RSU1: variants seen among roughly 807,000 people sequenced by gnomAD.
RSU1 encodes the protein rsu-1.
RSU1 carries 26 observed loss-of-function variants against 31.1 expected under a neutral mutation model. The observed-to-expected ratio is 0.84, with a 90% CI of 0.61 to 1.16. The LOEUF (loss-of-function observed/expected upper bound fraction) is 1.16, where lower values mean the gene tolerates loss of function less well. RSU1 is among the 50% of genes most tolerant of loss of function. The pLI is 0.00. For missense variants in RSU1, 320 were observed against 339.1 expected, an observed-to-expected ratio of 0.94 and a Z score of 0.44; for synonymous variants, 164 against 136.3, an observed-to-expected ratio of 1.20 and a Z score of -1.41.
At chr10:16,765,003 G>A (rs1158392148) in intron 3 of RSU1, among the ~76,000 whole-genome samples, 1 of 151,796 alleles carries the variant, frequency 6.6e-6, no homozygotes, top group African/African-American at 2.4e-5. Flanking sequence ...GAGAAACAGA[G>A]CAAAAATGCA....
Position 16,809,997 on chromosome 10 carries a change from G to C in RSU1, c.109+6976C>G, listed in dbSNP as rs575894615. On this transcript the variant is annotated intron_variant, in intron 2 of 8. Transcript: ENST00000345264. ...GCAATTTGGGAGGCCGGGGGTGGGG[G>C]GGGGAGGTGAATCACCTGAGGTCAG... Among the ~76,000 whole-genome samples the C allele has an allele frequency of 9.4e-3, 1,423 of 150,648 alleles. 51 individuals carry two copies. Among genetic ancestry groups the C allele is most frequent in the Non-Finnish European group, 0.017 (1,133 of 67,442 alleles).
intron 3 of RSU1, among the ~76,000 whole-genome samples, chr10:16,777,912 T>A (rs769157166): frequency 2.6e-5 from 4 of 152,086 alleles, no homozygotes; most frequent in Non-Finnish European, 4.4e-5. Flanking sequence ...TTTCCCTGGC[T>A]GCGAGTCCTT....
At position 16,804,578 on chromosome 10, in the gene RSU1, T is replaced by C. The variant is rs547833198; in HGVS notation, c.109+12395A>G. Reference sequence around the variant, plus strand: ...TGGAAGCTGCCAAAATATCATCCAATAGGTGAATGGATAACCAAACTGTGG... The same window carrying C: ...TGGAAGCTGCCAAAATATCATCCAACAGGTGAATGGATAACCAAACTGTGG... On this transcript the variant is annotated intron_variant, in intron 2 of 8. Coordinates refer to ENST00000345264, the MANE Select transcript of RSU1 (RefSeq NM_012425.4). Among the ~76,000 whole-genome samples the C allele has an allele frequency of 2.6e-5, 4 of 152,290 alleles. No homozygotes were observed. In the South Asian group the frequency reaches 8.3e-4, roughly 32 times the overall value.
intron 8 of RSU1, among the ~76,000 whole-genome samples, chr10:16,663,376 A>G (rs1023536861): frequency 1.5e-4 from 23 of 152,144 alleles, no homozygotes; most frequent in African/African-American, 4.6e-4. Context: ...ATAAAGATGG[A>G]TTACTATTTA....
chr10:16,610,803 T>C lies in RSU1; in HGVS notation c.732-17307A>G, dbSNP rs768622652. 1.2e-4 allele frequency among the ~76,000 whole-genome samples: 18 copies of C among 152,256 alleles called. 1 individual carries two copies. Among genetic ancestry groups the C allele is most frequent in the Middle Eastern group, 6.8e-3 (2 of 294 alleles). On this transcript the variant is annotated intron_variant, in intron 8 of 8. Transcript: ENST00000345264. ...ACCCTGCTGGTCCATGGAAAAACTGTCTTCTACAAAACTGGTGCCTGGTGC... is the reference window on the plus strand; with the variant it reads ...ACCCTGCTGGTCCATGGAAAAACTGCCTTCTACAAAACTGGTGCCTGGTGC...
intron 3 of RSU1, among the ~76,000 whole-genome samples, chr10:16,776,010 C>T (rs1266081410): frequency 6.6e-6 from 1 of 152,148 alleles, no homozygotes; most frequent in Non-Finnish European, 1.5e-5. Context: ...GGTTTAATTT[C>T]ATACAAGCCA....
chr10:16,602,143 C>G (rs145114112), intron 8 of RSU1, among the ~76,000 whole-genome samples: 1 of 152,140 alleles, frequency 6.6e-6, no homozygotes, highest in African/African-American at 2.4e-5. Flanking sequence ...TATTTTGAGG[C>G]CTTGAAGACT....
chr10:16,700,588 T>C (rs1835772555), intron 7 of RSU1, among the ~76,000 whole-genome samples: 1 of 152,248 alleles, frequency 6.6e-6, no homozygotes, highest in East Asian at 1.9e-4. Context: ...TAATTCTCAT[T>C]ATCATGTGCT....
At chr10:16,736,779 T>C (rs1486434815) in intron 7 of RSU1, among the ~76,000 whole-genome samples, 5 of 152,046 alleles carry the variant, frequency 3.3e-5, no homozygotes, top group African/African-American at 1.2e-4. Context: ...ATTTAAAATA[T>C]GTGCAAAGAT....
rs769728013 is a variant in RSU1 at position 16,593,363 on chromosome 10, G to C, written c.*31C>G. On this transcript the variant is annotated 3_prime_UTR_variant, in exon 9 of 9. Coordinates refer to ENST00000345264, the MANE Select transcript of RSU1 (RefSeq NM_012425.4). ...GAATGAAGTGTTGGAGAGAGAAGGT[G>C]CTGGAAGGCCAGCCGATGCCAATCC... 4 of 1,613,934 alleles carry C rather than the reference G, an allele frequency of 2.5e-6. No homozygotes were observed. In the South Asian group the frequency reaches 4.4e-5, roughly 18 times the overall value.
intron 7 of RSU1, among the ~76,000 whole-genome samples, chr10:16,737,568 AC>A (rs1396016745): frequency 8.5e-5 from 13 of 152,126 alleles, no homozygotes; most frequent in Admixed American, 1.3e-4. Context: ...CTAATTAATG[AC>A]CAAAAAGAAC....
intron 2 of RSU1, among the ~76,000 whole-genome samples, chr10:16,789,894 A>G (rs934154795): frequency 6.6e-6 from 1 of 152,212 alleles, no homozygotes; most frequent in Non-Finnish European, 1.5e-5. Context: ...TCAACTCAGT[A>G]ACTAAGAAAA....
intron 7 of RSU1, among the ~76,000 whole-genome samples, chr10:16,720,333 T>G (rs1836227888): frequency 6.6e-6 from 1 of 152,208 alleles, no homozygotes; most frequent in African/African-American, 2.4e-5. Context: ...ATCTCAGAAA[T>G]AATTCTACAA....
intron 8 of RSU1, among the ~76,000 whole-genome samples, chr10:16,680,255 C>G (rs1286526290): frequency 1.3e-5 from 2 of 151,954 alleles, no homozygotes; most frequent in African/African-American, 4.8e-5. Context: ...GCCGAGAATA[C>G]AGCAGACACA....
In RSU1 at chr10:16,672,160, A is replaced by C. The variant is rs1221096025; in HGVS notation, c.731+22863T>G. On this transcript the variant is annotated intron_variant, in intron 8 of 8. Transcript: ENST00000345264. Reference sequence around the variant, plus strand: ...AAAAATACAAAAAAAAAAAAAAAAAATTAGCCAGGCGTGGTGGCGGGTGCC... The same window carrying C: ...AAAAATACAAAAAAAAAAAAAAAAACTTAGCCAGGCGTGGTGGCGGGTGCC... Among the ~76,000 whole-genome samples, 9 of 139,438 alleles carry C rather than the reference A, an allele frequency of 6.5e-5. No homozygotes were observed. In the South Asian group the frequency reaches 2.1e-3, roughly 32 times the overall value. 91.5% of individuals were successfully genotyped at this position (139,438 alleles called of 152,430 possible).
chr10:16,649,803 A>T (rs891694324), intron 8 of RSU1, among the ~76,000 whole-genome samples: 1 of 152,212 alleles, frequency 6.6e-6, no homozygotes, highest in Non-Finnish European at 1.5e-5. Flanking sequence ...ATGAGATTTC[A>T]TAAGAGACAT....
chr10:16,673,789 T>C (rs868487922), intron 8 of RSU1, among the ~76,000 whole-genome samples: 8 of 152,208 alleles, frequency 5.3e-5, no homozygotes, highest in Non-Finnish European at 1.2e-4. Context: ...TTATGCTCGC[T>C]TCTGCCTAGG....
At chr10:16,816,139 G>T (rs1158301400) in intron 2 of RSU1, among the ~76,000 whole-genome samples, 1 of 152,330 alleles carries the variant, frequency 6.6e-6, no homozygotes. Context: ...ATTAGAATTA[G>T]TAGCCAACAT....
intron 8 of RSU1, among the ~76,000 whole-genome samples, chr10:16,625,021 T>C (rs1834131483): frequency 6.6e-6 from 1 of 152,216 alleles, no homozygotes; most frequent in Admixed American, 6.5e-5. Flanking sequence ...TTAAGTGATG[T>C]AGCCACAACT....
Sources: allele counts gnomAD v4.1 joint callset (sites outside exome capture counted in the v4.1 genomes callset), GRCh38; gene constraint gnomAD v4.1.1; transcripts MANE v1.5; gene names NCBI Gene and HGNC (gene_info 2026-07-23, HGNC 2026-07-21).